Variants in TRIM9 observed in about 807,000 individuals in gnomAD.
The protein encoded by TRIM9 is tripartite motif containing 9.
TRIM9 carries 26 observed loss-of-function variants against 78.3 expected under a neutral mutation model. The ratio of observed to expected loss-of-function variants is 0.33; its 90% CI spans 0.24 to 0.46. TRIM9 has a LOEUF of 0.46. Among genes scored for constraint, TRIM9 ranks in the 20% least tolerant of loss-of-function variants. The pLI is 1.00. For synonymous variants in TRIM9, 398 were observed against 416.5 expected (o/e 0.96, Z 0.54); for missense variants, 787 against 1,036.4 (o/e 0.76, Z 3.30).
chr14:51,008,930 G>T (rs2056203390), intron 5 of TRIM9, 150 bp downstream of exon 5: 2 of 762,742 alleles, frequency 2.6e-6, no homozygotes, highest in East Asian at 2.6e-5. Context: ...TGAAAGGTAG[G>T]TCACACATTT....
At chr14:51,017,171 G>A (rs1239592313) in intron 3 of TRIM9, among the ~76,000 whole-genome samples, 1 of 152,144 alleles carries the variant, frequency 6.6e-6, no homozygotes, top group Non-Finnish European at 1.5e-5. Flanking sequence ...TTAAAAAAGA[G>A]CATTTTAAAT....
intron 7 of TRIM9, among the ~76,000 whole-genome samples, chr14:50,992,592 TG>T (rs2053662263): frequency 6.6e-6 from 1 of 151,986 alleles, no homozygotes; most frequent in African/African-American, 2.4e-5. Flanking sequence ...AATGAATGAA[TG>T]AATGAATGAA....
At chr14:51,053,553 A>AT (rs2060615321) in intron 1 of TRIM9, among the ~76,000 whole-genome samples, 2 of 66,136 alleles carry the variant, frequency 3.0e-5, no homozygotes, top group African/African-American at 6.0e-5. Context: ...ACATTTATTT[A>AT]TTTATTTTTT....
intron 1 of TRIM9, among the ~76,000 whole-genome samples, chr14:51,058,390 C>A (rs1231906043): frequency 6.6e-6 from 1 of 152,218 alleles, no homozygotes; most frequent in Admixed American, 6.5e-5. Context: ...TAAATGAGAT[C>A]TAGTAGTATT....
At chr14:51,026,732 A>C (rs1174920449) in intron 1 of TRIM9, among the ~76,000 whole-genome samples, 2 of 151,958 alleles carry the variant, frequency 1.3e-5, no homozygotes, top group Non-Finnish European at 2.9e-5. Context: ...GGTTGAGGCA[A>C]TGTGGGATGG....
At chr14:51,006,357 C>T (rs986637602) in intron 5 of TRIM9, among the ~76,000 whole-genome samples, 2 of 151,960 alleles carry the variant, frequency 1.3e-5, no homozygotes, top group Non-Finnish European at 2.9e-5. Flanking sequence ...ATTAAACTGA[C>T]AAAGAATATC....
rs142216884 is a variant in TRIM9 at position 51,092,484 on chromosome 14, C to A, written c.822+1634G>T. 7.8e-3 allele frequency among the ~76,000 whole-genome samples: 1,194 copies of A among 152,346 alleles called. 9 individuals carry two copies. Among genetic ancestry groups the A allele is most frequent in the South Asian group, 0.049 (238 of 4,826 alleles). On this transcript the variant is annotated intron_variant, in intron 1 of 12. Coordinates refer to ENST00000684578, the MANE Select transcript of TRIM9 (RefSeq NM_001387360.1). Reference sequence around the variant, plus strand: ...ACTTGCAAAAGCTACCCTTTCTAGTCTCCAAGGAATTCTGGGAGACTCTGA... The same window carrying A: ...ACTTGCAAAAGCTACCCTTTCTAGTATCCAAGGAATTCTGGGAGACTCTGA...
chr14:50,980,669 C>T (rs932979878), intron 11 of TRIM9, among the ~76,000 whole-genome samples: 1 of 152,212 alleles, frequency 6.6e-6, no homozygotes, highest in African/African-American at 2.4e-5. Context: ...GTAAGTGTGG[C>T]ATTTGGGTGA....
intron 1 of TRIM9, among the ~76,000 whole-genome samples, chr14:51,042,222 C>G (rs2059628902): frequency 6.6e-6 from 1 of 152,124 alleles, no homozygotes; most frequent in Non-Finnish European, 1.5e-5. Context: ...CCCTCAAGAC[C>G]CAGCCTGTCG....
intron 1 of TRIM9, among the ~76,000 whole-genome samples, chr14:51,054,973 G>A (rs980423576): frequency 6.6e-6 from 1 of 151,984 alleles, no homozygotes; most frequent in Non-Finnish European, 1.5e-5. Flanking sequence ...GGGACAACAA[G>A]CGCGCGCCAC....
rs2059554579 is a variant in TRIM9 at position 51,041,218 on chromosome 14, G to A, written c.823-15858C>T. Reference sequence around the variant, plus strand: ...CTCTGCTAGTTAGAATCTAAGATTTGACTCCCATGAAAATAAATCTCACCA... The same window carrying A: ...CTCTGCTAGTTAGAATCTAAGATTTAACTCCCATGAAAATAAATCTCACCA... On this transcript the variant is annotated intron_variant, in intron 1 of 12. Transcript: ENST00000684578. Among the ~76,000 whole-genome samples, 3 of 152,318 alleles carry A rather than the reference G, an allele frequency of 2.0e-5. No homozygotes were observed. In the South Asian group the frequency reaches 6.2e-4, roughly 32 times the overall value.
intron 1 of TRIM9, among the ~76,000 whole-genome samples, chr14:51,056,933 C>T (rs1044536295): frequency 6.6e-6 from 1 of 152,176 alleles, no homozygotes; most frequent in African/African-American, 2.4e-5. Flanking sequence ...AGATTTCAGG[C>T]AATATCTTGT....
At chr14:51,023,989 C>G (rs1332904865) in intron 2 of TRIM9, among the ~76,000 whole-genome samples, 1 of 152,174 alleles carries the variant, frequency 6.6e-6, no homozygotes, top group Non-Finnish European at 1.5e-5. Context: ...TAATTGTTTT[C>G]AAATGCAAGG....
intron 1 of TRIM9, among the ~76,000 whole-genome samples, chr14:51,045,688 G>A (rs1168769575): frequency 6.6e-6 from 1 of 152,186 alleles, no homozygotes; most frequent in Non-Finnish European, 1.5e-5. Context: ...GGCAGATCTA[G>A]TAATCTGGAT....
rs528132183 is a variant in TRIM9 at position 51,006,479 on chromosome 14, A to G, written c.1306+2601T>C. On this transcript the variant is annotated intron_variant, in intron 5 of 12. Transcript: ENST00000684578. ...CCAGCCAATCAAGTTCTATTGTGTC[A>G]TGACCTTTGGCTTTTTCTTTCCATC... Among the ~76,000 whole-genome samples, 24 of 152,326 alleles carry G rather than the reference A, an allele frequency of 1.6e-4. No homozygotes were observed. The South Asian group carries it at 4.8e-3, about 30-fold the overall frequency.
At chr14:51,026,811 G>C (rs2058272903) in intron 1 of TRIM9, among the ~76,000 whole-genome samples, 1 of 152,152 alleles carries the variant, frequency 6.6e-6, no homozygotes, top group Non-Finnish European at 1.5e-5. Flanking sequence ...CCTTGAGAAA[G>C]TTACCTTTGT....
chr14:51,000,662 C>A, intron 6 of TRIM9, 21 bp downstream of exon 6: 1 of 1,613,538 alleles, frequency 6.2e-7, no homozygotes, highest in Non-Finnish European at 8.5e-7. Context: ...TTAACAAGTA[C>A]GTAGTGGGCT....
intron 7 of TRIM9, among the ~76,000 whole-genome samples, chr14:50,995,744 A>G (rs912307585): frequency 3.3e-5 from 5 of 151,826 alleles, no homozygotes; most frequent in African/African-American, 1.2e-4. Context: ...GCCAGAACGC[A>G]CCACCCCACC....
chr14:50,982,887 C>T (rs2052156206), intron 10 of TRIM9, 55 bp downstream of exon 10: 12 of 1,470,660 alleles, frequency 8.2e-6, no homozygotes, highest in South Asian at 1.2e-5. Flanking sequence ...CTGTGAGACA[C>T]CTCACATGCA....
Sources: gnomAD v4.1 joint callset for allele counts (sites outside exome capture counted in the v4.1 genomes callset) on GRCh38, gnomAD v4.1.1 for gene constraint, MANE v1.5 for transcripts, NCBI Gene and HGNC (gene_info 2026-07-23, HGNC 2026-07-21) for gene names.